Variants in SHANK2 observed in about 807,000 individuals in gnomAD.
The protein encoded by SHANK2 is SH3 and multiple ankyrin repeat domains protein 2.
Under a neutral mutation model 133.7 loss-of-function variants are expected in SHANK2, and 43 were observed. That is an observed-to-expected ratio of 0.32 (90% confidence interval 0.25 to 0.41). The LOEUF is 0.41. Among genes scored for constraint, SHANK2 ranks in the 10% least tolerant of loss-of-function variants. The pLI is 1.00. For synonymous variants in SHANK2, 1,017 were observed against 952.8 expected (o/e 1.07, Z -1.24); for missense variants, 1,994 against 2,235.8 (o/e 0.89, Z 2.18).
intron 17 of SHANK2, among the ~76,000 whole-genome samples, chr11:70,532,965 A>G (rs1160759289): frequency 6.6e-6 from 1 of 152,242 alleles, no homozygotes; most frequent in African/African-American, 2.4e-5. Flanking sequence ...GGAGAGCCTC[A>G]GAGACATGAT....
chr11:70,725,909 G>A (rs1000856065), intron 14 of SHANK2, among the ~76,000 whole-genome samples: 3 of 152,170 alleles, frequency 2.0e-5, no homozygotes, highest in South Asian at 2.1e-4. Flanking sequence ...ACAAAGCAAG[G>A]CAGACGTGTT....
chr11:71,209,713 C>T (rs1257177101), intron 2 of SHANK2, among the ~76,000 whole-genome samples: 6 of 152,210 alleles, frequency 3.9e-5, no homozygotes, highest in South Asian at 2.1e-4. Flanking sequence ...CTCCATACTG[C>T]GTGTCCCTGG....
intron 14 of SHANK2, among the ~76,000 whole-genome samples, chr11:70,755,984 G>A (rs1484983269): frequency 6.6e-6 from 1 of 152,268 alleles, no homozygotes; most frequent in Admixed American, 6.5e-5. Context: ...TGACTTAGCC[G>A]CTTCACCGAG....
chr11:70,572,136 C>T (rs554332875), intron 17 of SHANK2, among the ~76,000 whole-genome samples: 1 of 152,356 alleles, frequency 6.6e-6, no homozygotes, highest in East Asian at 1.9e-4. Context: ...TCTCAGGCTT[C>T]AGCCTCCAGA....
intron 8 of SHANK2, among the ~76,000 whole-genome samples, chr11:71,087,288 G>C (rs1157937007): frequency 1.3e-5 from 2 of 152,212 alleles, no homozygotes; most frequent in Non-Finnish European, 2.9e-5. Context: ...CAGCTGGAGA[G>C]ATGGGCCCGG....
At chr11:70,723,299 G>GTCTCTCTCTCTCTCTCTCTCTC (rs57815500) in intron 14 of SHANK2, among the ~76,000 whole-genome samples, 33 of 145,832 alleles carry the variant, frequency 2.3e-4, no homozygotes, top group African/African-American at 5.7e-4. Context: ...TGGAGGGTCT[G>GTCTCTCTCTCTCTCTCTCTCTC]TCTCTCTCTC....
chr11:70,894,432 C>A (rs1555075288), intron 11 of SHANK2, among the ~76,000 whole-genome samples: 2 of 152,122 alleles, frequency 1.3e-5, no homozygotes. Flanking sequence ...GATGATCCAC[C>A]CACCTTGGCC....
intron 17 of SHANK2, among the ~76,000 whole-genome samples, chr11:70,601,867 G>C (rs1447516877): frequency 6.6e-6 from 1 of 152,232 alleles, no homozygotes; most frequent in African/African-American, 2.4e-5. Context: ...AAAGCTGCCA[G>C]GTCTGAACCA....
rs925545082 is a variant in SHANK2 at position 71,102,728 on chromosome 11, C to T, written c.592+7213G>A. Among the ~76,000 whole-genome samples the T allele has an allele frequency of 7.9e-5, 12 of 152,234 alleles. 1 individual carries two copies. The highest frequency in any genetic ancestry group is 2.7e-4 in the African/African-American group (11 of 41,470). On this transcript the variant is annotated intron_variant, in intron 6 of 25. Transcript: ENST00000601538. Reference sequence around the variant, plus strand: ...AGCCAGGCCGGCTCATGCCAAGAGACCCCTGTTCGTCCCACTGCCTTTTCC... The same window carrying T: ...AGCCAGGCCGGCTCATGCCAAGAGATCCCTGTTCGTCCCACTGCCTTTTCC...
intron 25 of SHANK2, among the ~76,000 whole-genome samples, chr11:70,476,657 T>C (rs1555150175): frequency 6.6e-6 from 1 of 152,198 alleles, no homozygotes; most frequent in Non-Finnish European, 1.5e-5. Context: ...AGGGAATGTT[T>C]CCTATAAAAT....
At chr11:70,834,322 G>C (rs1480029398) in intron 11 of SHANK2, among the ~76,000 whole-genome samples, 1 of 152,206 alleles carries the variant, frequency 6.6e-6, no homozygotes, top group East Asian at 1.9e-4. Flanking sequence ...AAATACACAG[G>C]AGGTGGCTCT....
chr11:70,483,034 C>T (rs1363851883), intron 25 of SHANK2, among the ~76,000 whole-genome samples: 1 of 152,190 alleles, frequency 6.6e-6, no homozygotes, highest in Non-Finnish European at 1.5e-5. Flanking sequence ...CTCAGGGGAG[C>T]ACAGCTTGGT....
chr11:70,697,375 C>T (rs954846464), intron 15 of SHANK2, among the ~76,000 whole-genome samples: 17 of 152,240 alleles, frequency 1.1e-4, no homozygotes, highest in South Asian at 2.1e-4. Flanking sequence ...CATGATGCAG[C>T]GTGGAAGAGG....
At chr11:70,855,064 T>G (rs1949148844) in intron 11 of SHANK2, among the ~76,000 whole-genome samples, 1 of 152,230 alleles carries the variant, frequency 6.6e-6, no homozygotes, top group African/African-American at 2.4e-5. Flanking sequence ...CTCAGTGACC[T>G]GCTAATAAGA....
intron 17 of SHANK2, among the ~76,000 whole-genome samples, chr11:70,539,222 C>T (rs184449134): frequency 3.3e-5 from 5 of 152,294 alleles, no homozygotes; most frequent in South Asian, 4.2e-4. Flanking sequence ...GCAACAGCAC[C>T]GAATGCCAGT....
chr11:71,130,305 T>G (rs1371097119), intron 3 of SHANK2, among the ~76,000 whole-genome samples: 1 of 152,154 alleles, frequency 6.6e-6, no homozygotes, highest in African/African-American at 2.4e-5. Context: ...GTAAGACACA[T>G]AAACAATGGT....
Position 70,848,751 on chromosome 11 carries a change from G to T in SHANK2, c.1175-28069C>A, listed in dbSNP as rs191338494. On this transcript the variant is annotated intron_variant, in intron 11 of 25. Transcript: ENST00000601538. Reference sequence around the variant, plus strand: ...GTTCAGGGTCCGAGAAGCTTGGGCAGGGATGTACCACGTCCAGTGATGCAA... The same window carrying T: ...GTTCAGGGTCCGAGAAGCTTGGGCATGGATGTACCACGTCCAGTGATGCAA... Among the ~76,000 whole-genome samples the T allele has an allele frequency of 2.5e-3, 381 of 152,326 alleles. 4 individuals are homozygous for T. The highest frequency in any genetic ancestry group is 0.017 in the Middle Eastern group (5 of 294).
intron 14 of SHANK2, among the ~76,000 whole-genome samples, chr11:70,789,404 C>A (rs1001996022): frequency 6.6e-6 from 1 of 152,196 alleles, no homozygotes; most frequent in East Asian, 1.9e-4. Context: ...AGCCATGGGG[C>A]CTATTCTTAA....
chr11:71,097,985 T>C (rs1555095834), intron 6 of SHANK2, among the ~76,000 whole-genome samples: 1 of 150,908 alleles, frequency 6.6e-6, no homozygotes, highest in African/African-American at 2.4e-5. Flanking sequence ...TGCCTGTGTG[T>C]GCATGTGCAT....
Sources: gnomAD v4.1 joint callset for allele counts (sites outside exome capture counted in the v4.1 genomes callset) on GRCh38, gnomAD v4.1.1 for gene constraint, MANE v1.5 for transcripts, NCBI Gene and HGNC (gene_info 2026-07-23, HGNC 2026-07-21) for gene names.